Variants in PXDNL observed in about 807,000 individuals in gnomAD.
The protein encoded by PXDNL is probable oxidoreductase PXDNL.
Under a neutral mutation model 150.8 loss-of-function variants are expected in PXDNL, and 145 were observed. That is an observed-to-expected ratio of 0.96 (90% CI 0.84 to 1.10). The LOEUF is 1.10. Ranked by LOEUF, PXDNL falls within the 50% of genes least tolerant of loss-of-function variation. The probability of loss-of-function intolerance (pLI) is 0.00; values close to 1 mark genes in which losing one functional copy is unlikely to be tolerated. For synonymous variants in PXDNL, 757 were observed against 725.7 expected, an observed-to-expected ratio of 1.04 and a Z score of -0.69; for missense variants, 2,087 against 1,873.9, an observed-to-expected ratio of 1.11 and a Z score of -2.10.
At chr8:51,587,892 G>A (rs986907820) in intron 3 of PXDNL, among the ~76,000 whole-genome samples, 21 of 152,142 alleles carry the variant, frequency 1.4e-4, no homozygotes, top group Admixed American at 1.0e-3. Flanking sequence ...AATAAGGAGA[G>A]CATGGCCACC....
chr8:51,728,124 T>A (rs1816851353), intron 1 of PXDNL, among the ~76,000 whole-genome samples: 1 of 152,202 alleles, frequency 6.6e-6, no homozygotes, highest in Admixed American at 6.5e-5. Context: ...CAAATTCCTA[T>A]TGTCTAGTGA....
chr8:51,408,927 A>C lies in PXDNL; in HGVS notation c.2697T>G (p.Val899=). 2 of 1,612,318 alleles carry C rather than the reference A, an allele frequency of 1.2e-6. No homozygotes were observed. The highest frequency in any genetic ancestry group is 1.7e-4 in the Middle Eastern group (1 of 6,058). The part of the protein sequence containing the change: ...QQTAYIDGSN[V]YGSSERESQA... ...GGGATTCCCGCTCCGAGCTCCCGTA[A>C]ACGTTGGAGCCATCGATGTAGGCTG... is the stretch of plus-strand genomic sequence containing the variant. The change falls in exon 17 of 23, where the codon GTT becomes GTG. Residue 899 remains valine (V), a synonymous_variant. Transcript: ENST00000356297.
intron 1 of PXDNL, among the ~76,000 whole-genome samples, chr8:51,698,174 A>C (rs1029302765): frequency 5.9e-5 from 9 of 152,190 alleles, no homozygotes; most frequent in Admixed American, 5.2e-4. Context: ...TCAATAATGA[A>C]GTTTGGTGCA....
chr8:51,500,686 C>A (rs1027896258), intron 4 of PXDNL, among the ~76,000 whole-genome samples: 4 of 152,148 alleles, frequency 2.6e-5, no homozygotes, highest in South Asian at 4.1e-4. Context: ...ACTGCAGATA[C>A]AAAGTTTCCA....
chr8:51,780,502 A>T (rs1425072951), intron 1 of PXDNL, among the ~76,000 whole-genome samples: 1 of 150,600 alleles, frequency 6.6e-6, no homozygotes, highest in African/African-American at 2.4e-5. Flanking sequence ...TTTAAAACTC[A>T]TGGATGGGGA....
At position 51,374,702 on chromosome 8, in the gene PXDNL, A is replaced by C; in HGVS notation, c.3587T>G (p.Leu1196Arg). The change falls in exon 18 of 23, where the codon CTC becomes CGC. Residue 1196 changes from leucine to arginine, a missense_variant. Leu to Arg is a moderately radical substitution (Grantham distance 102). Coordinates refer to ENST00000356297, the MANE Select transcript of PXDNL (RefSeq NM_144651.5). ...GTCTTCAACCATAAGGGCGGGCCAG[A>C]GGTCAATGTCACCTGGAGAGCCGTA... ...KLYGSPGDID[L>R]WPALMVEDLI... 6.2e-7 allele frequency: 1 copy of C among 1,613,978 alleles called. No homozygotes were observed. The highest frequency in any genetic ancestry group is 8.5e-7 in the Non-Finnish European group (1 of 1,179,860).
At chr8:51,524,562 C>T (rs180877203) in intron 4 of PXDNL, among the ~76,000 whole-genome samples, 1 of 152,040 alleles carries the variant, frequency 6.6e-6, no homozygotes, top group Non-Finnish European at 1.5e-5. Flanking sequence ...GAGTGAAGCA[C>T]AAAACATAAA....
chr8:51,604,509 G>A (rs182525864), intron 2 of PXDNL, among the ~76,000 whole-genome samples: 14 of 152,270 alleles, frequency 9.2e-5, no homozygotes, highest in Admixed American at 9.2e-4. Flanking sequence ...TGGGGTGGAG[G>A]GAGTGGGGAG....
chr8:51,535,900 C>T (rs557852115), intron 4 of PXDNL, among the ~76,000 whole-genome samples: 7 of 152,234 alleles, frequency 4.6e-5, no homozygotes, highest in South Asian at 2.1e-4. Context: ...GCTCTTGCCC[C>T]CCTCCCTGCA....
Position 51,608,017 on chromosome 8 carries a change from GAAAGAAAGAA to G in PXDNL, c.237-15329_237-15320del, listed in dbSNP as rs1184013614. On this transcript the variant is annotated intron_variant, in intron 2 of 22. Coordinates refer to ENST00000356297, the MANE Select transcript of PXDNL (RefSeq NM_144651.5). ...AGGAAGGAAGGAAGAAAGAAAGAAAGAAAGAAAGAAAGAAAGAAAGAAAGAAAGAAAGAAA... is the reference window on the plus strand; with the variant it reads ...AGGAAGGAAGGAAGAAAGAAAGAAAGAGAAAGAAAGAAAGAAAGAAAGAAA... Among the ~76,000 whole-genome samples the G allele has an allele frequency of 6.4e-5, 5 of 78,558 alleles. 1 individual carries two copies. Among genetic ancestry groups the G allele is most frequent in the African/African-American group, 1.9e-4 (4 of 20,760 alleles). The allele number at this position is 78,558 out of a possible 152,430, so 51.5% of individuals were successfully genotyped here. A position where few individuals can be genotyped will look rare whatever the true frequency, so the allele number is the denominator to read the frequency against.
intron 20 of PXDNL, among the ~76,000 whole-genome samples, chr8:51,342,478 A>T (rs994762836): frequency 6.6e-6 from 1 of 152,172 alleles, no homozygotes; most frequent in East Asian, 1.9e-4. Flanking sequence ...TGGTTCTTTC[A>T]TCTCAAAAAT....
intron 6 of PXDNL, among the ~76,000 whole-genome samples, chr8:51,476,429 C>T (rs1212442886): frequency 6.6e-6 from 1 of 152,160 alleles, no homozygotes; most frequent in Non-Finnish European, 1.5e-5. Flanking sequence ...GTTAGAAGGT[C>T]CCCCTCTGGA....
chr8:51,560,955 T>G (rs568605883), intron 3 of PXDNL, among the ~76,000 whole-genome samples: 2 of 151,452 alleles, frequency 1.3e-5, no homozygotes, highest in African/African-American at 4.8e-5. Flanking sequence ...AAAAAACCAT[T>G]TAAAAATGGG....
intron 21 of PXDNL, among the ~76,000 whole-genome samples, chr8:51,326,602 C>A (rs1405933512): frequency 6.6e-6 from 1 of 152,150 alleles, no homozygotes; most frequent in African/African-American, 2.4e-5. Context: ...AACATTTTTA[C>A]TTAATTTATT....
At chr8:51,600,602 C>A (rs61723112) in intron 2 of PXDNL, among the ~76,000 whole-genome samples, 15 of 117,628 alleles carry the variant, frequency 1.3e-4, no homozygotes, top group African/African-American at 3.7e-4. Flanking sequence ...TAAATTATAT[C>A]GTTTAGATAA....
chr8:51,746,760 G>T (rs528068296), intron 1 of PXDNL, among the ~76,000 whole-genome samples: 1 of 152,250 alleles, frequency 6.6e-6, no homozygotes, highest in South Asian at 2.1e-4. Context: ...CTCACTCTGT[G>T]GCCCAGGCTG....
At chr8:51,776,646 G>A (rs139112579) in intron 1 of PXDNL, among the ~76,000 whole-genome samples, 4 of 152,128 alleles carry the variant, frequency 2.6e-5, no homozygotes, top group African/African-American at 7.2e-5. Context: ...CTAGTCCAGT[G>A]GTAGCAAGAA....
chr8:51,342,376 C>A (rs1289302189), intron 20 of PXDNL, among the ~76,000 whole-genome samples: 1 of 151,378 alleles, frequency 6.6e-6, no homozygotes, highest in African/African-American at 2.4e-5. Context: ...TAGGTTTTTT[C>A]CATAGTAAAG....
intron 3 of PXDNL, among the ~76,000 whole-genome samples, chr8:51,583,946 A>G (rs1021475517): frequency 1.3e-5 from 2 of 152,240 alleles, no homozygotes; most frequent in Non-Finnish European, 1.5e-5. Flanking sequence ...AGGCTGGATG[A>G]GTCGCCCAAA....
Sources: allele counts gnomAD v4.1 joint callset (sites outside exome capture counted in the v4.1 genomes callset), GRCh38; gene constraint gnomAD v4.1.1; transcripts MANE v1.5; gene names NCBI Gene and HGNC (gene_info 2026-07-23, HGNC 2026-07-21).